EDARADD: variants seen among roughly 807,000 people sequenced by gnomAD.
EDARADD encodes EDAR associated via death domain.
In EDARADD, 20 loss-of-function variants were observed where a neutral mutation model predicts 25.6. The observed-to-expected ratio is 0.78, with a 90% CI of 0.55 to 1.14. The LOEUF is 1.14. Ranked by LOEUF, EDARADD falls within the 50% of genes most tolerant of loss-of-function variation. EDARADD has a pLI of 0.00. For synonymous variants in EDARADD, 86 were observed against 94.4 expected, an observed-to-expected ratio of 0.91 and a Z score of 0.52; for missense variants, 225 against 270.1, an observed-to-expected ratio of 0.83 and a Z score of 1.17.
At chr1:236,397,916 C>G (rs1667546485) in intron 1 of EDARADD, among the ~76,000 whole-genome samples, 4 of 152,130 alleles carry the variant, frequency 2.6e-5, no homozygotes, top group Admixed American at 1.3e-4. Flanking sequence ...CATCCCCTTA[C>G]TCCTATTTCT....
intron 4 of EDARADD, among the ~76,000 whole-genome samples, chr1:236,466,593 C>T (rs551995409): frequency 6.6e-6 from 1 of 152,156 alleles, no homozygotes; most frequent in East Asian, 1.9e-4. Flanking sequence ...ATTTAGATTA[C>T]TTAGGAGAAA....
chr1:236,424,558 T>C (rs1385754409), intron 3 of EDARADD, among the ~76,000 whole-genome samples: 1 of 152,158 alleles, frequency 6.6e-6, no homozygotes, highest in Non-Finnish European at 1.5e-5. Context: ...TCTTCTCTAC[T>C]CTGCTCATAT....
chr1:236,415,227 C>T (rs12122692), intron 3 of EDARADD, among the ~76,000 whole-genome samples: 15,083 of 151,992 alleles, frequency 0.099, 953 homozygotes, highest in Admixed American at 0.17. Context: ...GAGATCGGGT[C>T]GGGGAGGAGG....
chr1:236,436,451 T>A (rs1361166452), intron 4 of EDARADD, among the ~76,000 whole-genome samples: 1 of 151,920 alleles, frequency 6.6e-6, no homozygotes, highest in Non-Finnish European at 1.5e-5. Flanking sequence ...CGTGAGCCAC[T>A]GCACCCAGCC....
At chr1:236,439,317 C>T (rs893582764) in intron 4 of EDARADD, among the ~76,000 whole-genome samples, 7 of 152,192 alleles carry the variant, frequency 4.6e-5, no homozygotes, top group East Asian at 1.9e-4. Flanking sequence ...TAAACATTCA[C>T]GTGCAGATTT....
intron 4 of EDARADD, among the ~76,000 whole-genome samples, chr1:236,429,006 C>G (rs553175741): frequency 1.0e-3 from 157 of 152,234 alleles, no homozygotes; most frequent in Non-Finnish European, 1.5e-3. Context: ...CGTTGCGACG[C>G]GCGCCTGCAA....
At chr1:236,445,222 A>G (rs1372472535) in intron 4 of EDARADD, among the ~76,000 whole-genome samples, 5 of 84,462 alleles carry the variant, frequency 5.9e-5, no homozygotes, top group Non-Finnish European at 1.2e-4. Flanking sequence ...ATTAGCTGGG[A>G]CATAATAAAT....
chr1:236,378,311 T>C (rs1008010133), intron 3 of EDARADD, among the ~76,000 whole-genome samples: 3 of 152,230 alleles, frequency 2.0e-5, no homozygotes, highest in Admixed American at 2.0e-4. Flanking sequence ...AGTCACTGTG[T>C]GAACCTGGGG....
rs965116592 is a variant in EDARADD, at chr1:236,468,185, T to G, written c.220-46T>G. 8 of 1,578,476 alleles carry G rather than the reference T, an allele frequency of 5.1e-6. No individual in the cohort carries two copies. The Admixed American group carries it at 1.2e-4, about 23-fold the overall frequency. ...GTTGGAAGATTGATAATATCTCCAT[T>G]CACATTTGGATATGATTTTAATGAA... On this transcript the variant is annotated intron_variant, in intron 4 of 5. Coordinates refer to ENST00000334232, the MANE Select transcript of EDARADD (RefSeq NM_145861.4).
At chr1:236,412,355 T>C (rs1657515608) in intron 2 of EDARADD, among the ~76,000 whole-genome samples, 1 of 152,176 alleles carries the variant, frequency 6.6e-6, no homozygotes, top group Non-Finnish European at 1.5e-5. Context: ...TCTCAGAGAA[T>C]TGTCATTGCC....
chr1:236,442,586 T>C (rs776736927), intron 4 of EDARADD, among the ~76,000 whole-genome samples: 1 of 152,234 alleles, frequency 6.6e-6, no homozygotes, highest in Non-Finnish European at 1.5e-5. Context: ...CCGAAAATCA[T>C]AGTGCCCTTG....
chr1:236,395,342 G>A lies in EDARADD; in HGVS notation c.61+837G>A, dbSNP rs1003934475. ...GCCCCGCCTTGCGTCCCAGCCCCGG[G>A]TCGCGGCACCCCGGCTCCCGCCCCG... On this transcript the variant is annotated intron_variant, in intron 1 of 5. Transcript: ENST00000334232. This position sits in a 1 kb window ranked among gnomAD's most constrained non-coding sequence, Gnocchi z 6.9. 7 of 1,320,810 alleles carry A rather than the reference G, an allele frequency of 5.3e-6. No homozygotes were observed. Among genetic ancestry groups the A allele is most frequent in the South Asian group, 1.6e-5 (1 of 61,242 alleles). The allele number at this position is 1,320,810 out of a possible 1,614,324, so 81.8% of individuals were successfully genotyped here.
chr1:236,373,603 C>T lies in EDARADD; in HGVS notation c.-6+22764C>T, dbSNP rs906261256. Among the ~76,000 whole-genome samples the T allele has an allele frequency of 2.0e-5, 3 of 152,212 alleles. No individual in the cohort carries two copies. The South Asian group carries it at 6.2e-4, about 32-fold the overall frequency. On this transcript the variant is annotated intron_variant, in intron 3 of 7. Coordinates refer to the EDARADD transcript ENST00000439430. ...TGATTTTACTGATCTTTTTAAAGAA[C>T]CAGCTTTTGGTTTTGTTGATTTTTT... is the stretch of plus-strand genomic sequence containing the variant.
intron 4 of EDARADD, among the ~76,000 whole-genome samples, chr1:236,450,973 C>A (rs1006529329): frequency 6.6e-6 from 1 of 152,170 alleles, no homozygotes; most frequent in African/African-American, 2.4e-5. Context: ...ACTGATACTA[C>A]TATCTTGACT....
At position 236,453,523 on chromosome 1, in the gene EDARADD, G is replaced by A. The variant is rs556673087; in HGVS notation, c.220-14708G>A. 7.9e-5 allele frequency among the ~76,000 whole-genome samples: 12 copies of A among 152,216 alleles called. No individual in the cohort carries two copies. In the East Asian group the frequency reaches 9.7e-4, roughly 12 times the overall value. On this transcript the variant is annotated intron_variant, in intron 4 of 5. Coordinates refer to ENST00000334232, the MANE Select transcript of EDARADD (RefSeq NM_145861.4). ...TAACTCCTGACCTTGTGATCCACCCGCCTTGGCCTCCCAAAGTGGTGGGAT... is the reference window on the plus strand; with the variant it reads ...TAACTCCTGACCTTGTGATCCACCCACCTTGGCCTCCCAAAGTGGTGGGAT...
intron 4 of EDARADD, among the ~76,000 whole-genome samples, chr1:236,467,186 A>G (rs1659219945): frequency 6.6e-6 from 1 of 151,686 alleles, no homozygotes; most frequent in Non-Finnish European, 1.5e-5. Flanking sequence ...AGCTAATCCC[A>G]CAGCCACCTC....
chr1:236,416,028 TCTCCTC>T lies in EDARADD; in HGVS notation c.160+1733_160+1738del, dbSNP rs1444398110. Among the ~76,000 whole-genome samples the T allele has an allele frequency of 2.6e-5, 4 of 151,400 alleles. No homozygotes were observed. The East Asian group carries it at 7.7e-4, about 29-fold the overall frequency. On this transcript the variant is annotated intron_variant, in intron 3 of 5. Coordinates refer to ENST00000334232, the MANE Select transcript of EDARADD (RefSeq NM_145861.4). ...AACCTGTCCAGAGTTTGGCCAAAGCTCTCCTCCTCTTCTCCCCCTACTATTCCAGAC... is the reference window on the plus strand; with the variant it reads ...AACCTGTCCAGAGTTTGGCCAAAGCTCTCTTCTCCCCCTACTATTCCAGAC...
chr1:236,457,990 A>G (rs946514410), intron 4 of EDARADD, among the ~76,000 whole-genome samples: 1 of 152,238 alleles, frequency 6.6e-6, no homozygotes, highest in African/African-American at 2.4e-5. Flanking sequence ...TCTCATTACC[A>G]TGCAGTGCTC....
intron 3 of EDARADD, among the ~76,000 whole-genome samples, chr1:236,415,949 G>A (rs1657628998): frequency 6.6e-6 from 1 of 152,202 alleles, no homozygotes; most frequent in South Asian, 2.1e-4. Context: ...ACTAACGTGA[G>A]TCTCCCCAGC....
Sources: allele counts gnomAD v4.1 joint callset (sites outside exome capture counted in the v4.1 genomes callset), GRCh38; gene constraint gnomAD v4.1.1; non-coding constraint Gnocchi (gnomAD v3.1); transcripts MANE v1.5; gene names NCBI Gene and HGNC (gene_info 2026-07-23, HGNC 2026-07-21).